MYO16: variants seen among roughly 807,000 people sequenced by gnomAD.
MYO16 encodes myosin XVI.
MYO16 carries 94 observed loss-of-function variants against 205.3 expected under a neutral mutation model. That is an observed-to-expected ratio of 0.46 (90% CI 0.39 to 0.54). The LOEUF (loss-of-function observed/expected upper bound fraction) is 0.54. MYO16 is among the 20% of genes least tolerant of loss of function. MYO16 has a pLI of 0.00. For missense variants in MYO16, 2,315 were observed against 2,387.5 expected, an observed-to-expected ratio of 0.97 and a Z score of 0.63; for synonymous variants, 988 against 954.0, an observed-to-expected ratio of 1.04 and a Z score of -0.66.
chr13:109,104,768 G>A (rs1373573220), intron 28 of MYO16, among the ~76,000 whole-genome samples: 1 of 152,014 alleles, frequency 6.6e-6, no homozygotes, highest in Non-Finnish European at 1.5e-5. Flanking sequence ...AGTTTATTAG[G>A]CTATTCCGCA....
upstream of MYO16, among the ~76,000 whole-genome samples, chr13:108,595,177 T>C (rs1878511285): frequency 6.6e-6 from 1 of 152,200 alleles, no homozygotes; most frequent in Non-Finnish European, 1.5e-5. Context: ...GCTCTAATTG[T>C]TTTATAGATA....
At chr13:108,554,025 C>T in the MYO16 span, among the ~76,000 whole-genome samples, 3 of 152,224 alleles carry the variant, frequency 2.0e-5, no homozygotes, top group African/African-American at 7.2e-5. Flanking sequence ...GCGCTGCCTC[C>T]ATGTTGCTAA....
intron 2 of MYO16, among the ~76,000 whole-genome samples, chr13:108,667,688 A>C (rs1881801714): frequency 6.6e-6 from 1 of 152,176 alleles, no homozygotes; most frequent in African/African-American, 2.4e-5. Flanking sequence ...GTTACAACAA[A>C]CTTAAATAAG....
At chr13:108,754,470 A>G (rs1885356007) in intron 4 of MYO16, among the ~76,000 whole-genome samples, 2 of 152,178 alleles carry the variant, frequency 1.3e-5, no homozygotes, top group Admixed American at 1.3e-4. Context: ...GACATACTGA[A>G]CAACATTTTT....
the MYO16 span, among the ~76,000 whole-genome samples, chr13:108,533,711 A>G: frequency 6.6e-6 from 1 of 152,224 alleles, no homozygotes; most frequent in African/African-American, 2.4e-5. Flanking sequence ...AGCACAGCAA[A>G]TATGTATTTA....
intron 4 of MYO16, among the ~76,000 whole-genome samples, chr13:108,747,113 G>A (rs1013971911): frequency 6.6e-6 from 1 of 152,262 alleles, no homozygotes; most frequent in South Asian, 2.1e-4. Context: ...AACAAAAGTT[G>A]AGCCAACACA....
rs1399867018 is a variant in MYO16 at position 109,019,837 on chromosome 13, A to G, written c.2722A>G (p.Met908Val). 1.2e-6 allele frequency: 2 copies of G among 1,614,038 alleles called. No homozygotes were observed. Among genetic ancestry groups the G allele is most frequent in the East Asian group, 2.2e-5 (1 of 44,878 alleles). Residue 908 changes from methionine (M) to valine (V), a missense_variant, in exon 23 of 35, where the codon ATG (methionine) becomes GTG (valine). Around this residue, in one of 3 missense-constraint regions of MYO16, gnomAD observed 1,213 missense variants for 1,274.4 expected, o/e 0.95. Coordinates refer to ENST00000457511, the MANE Select transcript of MYO16 (RefSeq NM_001198950.3). ...AAACACAAATGCGGTGTACTCCCCCATGAAGGATGGGAATGGGAATGTTGC... is the reference window on the plus strand; with the variant it reads ...AAACACAAATGCGGTGTACTCCCCCGTGAAGGATGGGAATGGGAATGTTGC... ...SSNTNAVYSP[M>V]KDGNGNVALK... is the part of the protein sequence containing the mutation.
intron 11 of MYO16, among the ~76,000 whole-genome samples, chr13:108,857,796 T>C (rs189939415): frequency 1.8e-3 from 272 of 152,350 alleles, no homozygotes; most frequent in African/African-American, 6.2e-3. Flanking sequence ...AACTCCTGCC[T>C]CTAGCTCCTC....
In MYO16 at chr13:109,060,557, C is replaced by T. The variant is rs143014224; in HGVS notation, c.3335+4962C>T. ...CATGTGGGGCTTAAAACCTAGATGA[C>T]GGGTTGATAGGTGCAGCAAACCACC... On this transcript the variant is annotated intron_variant, in intron 27 of 34. Transcript: ENST00000457511. 9.8e-3 allele frequency among the ~76,000 whole-genome samples: 1,485 copies of T among 152,108 alleles called. 19 individuals are homozygous for T. Among genetic ancestry groups the T allele is most frequent in the African/African-American group, 0.033 (1,382 of 41,496 alleles).
intron 27 of MYO16, among the ~76,000 whole-genome samples, chr13:109,088,796 G>A (rs1888526843): frequency 6.6e-6 from 1 of 152,312 alleles, no homozygotes; most frequent in African/African-American, 2.4e-5. Flanking sequence ...ACACAGAGGA[G>A]GAGAGGCCAC....
intron 12 of MYO16, among the ~76,000 whole-genome samples, chr13:108,873,083 C>A (rs185169522): frequency 2.6e-5 from 4 of 152,236 alleles, no homozygotes; most frequent in African/African-American, 9.6e-5. Context: ...TTCATTAAAA[C>A]GATCTTGTTG....
chr13:108,910,331 AGTT>A (rs1250579583), intron 16 of MYO16, among the ~76,000 whole-genome samples, 181 bp downstream of exon 16: 1 of 152,174 alleles, frequency 6.6e-6, no homozygotes, highest in African/African-American at 2.4e-5. Context: ...GAATGGGTGA[AGTT>A]GTATGTGTGT....
intron 3 of MYO16, among the ~76,000 whole-genome samples, chr13:108,723,740 A>C (rs375296442): frequency 6.6e-6 from 1 of 152,212 alleles, no homozygotes; most frequent in Non-Finnish European, 1.5e-5. Flanking sequence ...AAGTCTTGAA[A>C]TTAGTTAGCT....
chr13:108,928,216 A>G (rs1232215195), intron 16 of MYO16, among the ~76,000 whole-genome samples: 1 of 152,060 alleles, frequency 6.6e-6, no homozygotes, highest in Non-Finnish European at 1.5e-5. Flanking sequence ...ACCAGCCTGG[A>G]GGTGAGGAAG....
At position 108,855,567 on chromosome 13, in the gene MYO16, A is replaced by G. The variant is rs1878126016; in HGVS notation, c.1359+14A>G. On this transcript the variant is annotated intron_variant, in intron 11 of 34. Coordinates refer to ENST00000457511, the MANE Select transcript of MYO16 (RefSeq NM_001198950.3). ...AATCAGATCTATGTGAGTGCCCTGG[A>G]AATTGCCTTTTGCACTGTTTTTCTC... 2 of 1,509,652 alleles carry G rather than the reference A, an allele frequency of 1.3e-6. No homozygotes were observed. The highest frequency in any genetic ancestry group is 1.4e-5 in the African/African-American group (1 of 73,144). 93.5% of individuals were successfully genotyped at this position (1,509,652 alleles called of 1,614,324 possible). A position where few individuals can be genotyped will look rare whatever the true frequency, so the allele number is the denominator to read the frequency against.
At chr13:108,720,358 A>G (rs1303827266) in intron 3 of MYO16, among the ~76,000 whole-genome samples, 1 of 152,230 alleles carries the variant, frequency 6.6e-6, no homozygotes, top group African/African-American at 2.4e-5. Flanking sequence ...AGAAATTGCA[A>G]TAAATTTAAA....
intron 27 of MYO16, among the ~76,000 whole-genome samples, chr13:109,091,947 A>C (rs1256289396): frequency 6.6e-6 from 1 of 152,214 alleles, no homozygotes; most frequent in Non-Finnish European, 1.5e-5. Context: ...ATTTTGGTCC[A>C]AAAAAGTCTT....
chr13:109,068,638 C>A (rs1279900103), intron 27 of MYO16, among the ~76,000 whole-genome samples: 1 of 147,444 alleles, frequency 6.8e-6, no homozygotes, highest in Non-Finnish European at 1.5e-5. Context: ...CTTGCCCAAG[C>A]TGGAGTGCAA....
chr13:109,167,989 T>C lies in MYO16; in HGVS notation c.5323+2930T>C, dbSNP rs146964733. 7.0e-3 allele frequency among the ~76,000 whole-genome samples: 1,070 copies of C among 151,986 alleles called. 13 individuals carry two copies. The highest frequency in any genetic ancestry group is 0.025 in the African/African-American group (1,016 of 41,458). On this transcript the variant is annotated intron_variant, in intron 33 of 34. Coordinates refer to ENST00000457511, the MANE Select transcript of MYO16 (RefSeq NM_001198950.3). ...AAAAAGGCAGTAAAATTTGGAGGGG[T>C]AAAATAATATTTAATATTATACACT...
Sources: allele counts gnomAD v4.1 joint callset (sites outside exome capture counted in the v4.1 genomes callset), GRCh38; gene constraint gnomAD v4.1.1; regional missense constraint gnomAD v4.1.1; transcripts MANE v1.5; gene names NCBI Gene and HGNC (gene_info 2026-07-23, HGNC 2026-07-21).